The following NXPH1 variants were observed in gnomAD, a reference collection of about 807,000 sequenced individuals.
NXPH1 encodes the protein neurexophilin-1.
In NXPH1, 5 loss-of-function variants were observed where a neutral mutation model predicts 23.7. The observed-to-expected ratio is 0.21, with a 90% confidence interval of 0.11 to 0.44. The LOEUF (loss-of-function observed/expected upper bound fraction) is 0.44, where lower values mean the gene tolerates loss of function less well. Among genes scored for constraint, NXPH1 ranks in the 20% least tolerant of loss-of-function variants. The pLI is 0.99. For missense variants in NXPH1, 324 were observed against 321.6 expected (o/e 1.01, Z -0.06); for synonymous variants, 144 against 122.2 (o/e 1.18, Z -1.18).
chr7:8,449,530 T>G (rs571520644), intron 2 of NXPH1, among the ~76,000 whole-genome samples: 4 of 152,336 alleles, frequency 2.6e-5, no homozygotes, highest in African/African-American at 9.6e-5. Context: ...TTAATATCTT[T>G]ACTGTTAATA....
At chr7:8,568,224 T>G (rs1363437632) in intron 2 of NXPH1, among the ~76,000 whole-genome samples, 2 of 151,886 alleles carry the variant, frequency 1.3e-5, no homozygotes, top group Non-Finnish European at 2.9e-5. Flanking sequence ...GGAATTTTAT[T>G]TTCTCAAATG....
intron 2 of NXPH1, among the ~76,000 whole-genome samples, chr7:8,644,835 A>C (rs1010097854): frequency 6.6e-6 from 1 of 152,302 alleles, no homozygotes; most frequent in African/African-American, 2.4e-5. Context: ...AATTTTGTGC[A>C]CATCATTCCT....
intron 2 of NXPH1, among the ~76,000 whole-genome samples, chr7:8,697,695 A>G (rs572746183): frequency 1.3e-5 from 2 of 152,328 alleles, no homozygotes; most frequent in South Asian, 2.1e-4. Context: ...AGTATCTGTT[A>G]TGGAAAATGC....
chr7:8,439,201 G>C (rs1816249333), intron 2 of NXPH1, among the ~76,000 whole-genome samples: 1 of 152,144 alleles, frequency 6.6e-6, no homozygotes. Flanking sequence ...GATACAATGG[G>C]ATGGCAGGAT....
intron 2 of NXPH1, among the ~76,000 whole-genome samples, chr7:8,534,646 G>C (rs990143494): frequency 6.6e-6 from 1 of 152,038 alleles, no homozygotes; most frequent in African/African-American, 2.4e-5. Context: ...AGCTAAAAAA[G>C]AAATATCAAA....
chr7:8,692,559 C>T (rs1239513614), intron 2 of NXPH1, among the ~76,000 whole-genome samples: 2 of 152,174 alleles, frequency 1.3e-5, no homozygotes, highest in African/African-American at 4.8e-5. Context: ...TATATGTGCT[C>T]TAGCTATACT....
intron 2 of NXPH1, among the ~76,000 whole-genome samples, chr7:8,437,310 G>A (rs1816213588): frequency 6.7e-6 from 1 of 149,910 alleles, no homozygotes; most frequent in African/African-American, 2.5e-5. Context: ...AGAGACCATG[G>A]ATGGAGGGCA....
chr7:8,619,316 T>G (rs928949397), intron 2 of NXPH1, among the ~76,000 whole-genome samples: 1 of 152,208 alleles, frequency 6.6e-6, no homozygotes, highest in East Asian at 1.9e-4. Flanking sequence ...TCCAGTTAAC[T>G]TCTGCAGTCT....
chr7:8,679,821 G>T (rs1485298909), intron 2 of NXPH1, among the ~76,000 whole-genome samples: 1 of 152,236 alleles, frequency 6.6e-6, no homozygotes, highest in African/African-American at 2.4e-5. Flanking sequence ...AGGAGTTCGA[G>T]ACCAGCCTGA....
At chr7:8,576,481 G>A (rs556756256) in intron 2 of NXPH1, among the ~76,000 whole-genome samples, 8 of 152,246 alleles carry the variant, frequency 5.3e-5, no homozygotes, top group African/African-American at 1.7e-4. Flanking sequence ...CTTGAAGTAC[G>A]TTTGAATGAA....
chr7:8,718,175 G>C (rs1779908960), intron 2 of NXPH1, among the ~76,000 whole-genome samples: 1 of 152,092 alleles, frequency 6.6e-6, no homozygotes, highest in African/African-American at 2.4e-5. Context: ...CAGTGACAAA[G>C]AGATATTTCT....
rs181071401 is a variant in NXPH1, at chr7:8,468,305, A to G, written c.54+32538A>G. Among the ~76,000 whole-genome samples, 258 of 152,214 alleles carry G rather than the reference A, an allele frequency of 1.7e-3. 2 individuals are homozygous for G. The highest frequency in any genetic ancestry group is 5.8e-3 in the African/African-American group (242 of 41,574). ...CTTGGAGTTTTCCTAAAATGGTTAC[A>G]TAGGTGAGTTTAGACAGTTGAAGGG... On this transcript the variant is annotated intron_variant, in intron 2 of 2. Coordinates refer to ENST00000405863, the MANE Select transcript of NXPH1 (RefSeq NM_152745.3).
chr7:8,647,777 C>T (rs1231313350), intron 2 of NXPH1, among the ~76,000 whole-genome samples: 6 of 145,974 alleles, frequency 4.1e-5, no homozygotes, highest in Admixed American at 6.8e-5. Flanking sequence ...CTTAACCATT[C>T]GGTTTTTTTT....
chr7:8,607,368 C>T (rs540893073), intron 2 of NXPH1, among the ~76,000 whole-genome samples: 5 of 152,184 alleles, frequency 3.3e-5, no homozygotes, highest in South Asian at 2.1e-4. Flanking sequence ...TTTCTTGGAT[C>T]GTGTCACTCG....
intron 2 of NXPH1, among the ~76,000 whole-genome samples, chr7:8,743,193 A>T (rs1780395946): frequency 6.6e-6 from 1 of 151,762 alleles, no homozygotes; most frequent in Non-Finnish European, 1.5e-5. Flanking sequence ...TTTTTTTTTT[A>T]AACATTTTTG....
At chr7:8,688,903 T>C (rs1400104978) in intron 2 of NXPH1, among the ~76,000 whole-genome samples, 3 of 152,198 alleles carry the variant, frequency 2.0e-5, no homozygotes, top group Non-Finnish European at 4.4e-5. Context: ...TCTTGGATAC[T>C]GTATTGTTAC....
intron 2 of NXPH1, among the ~76,000 whole-genome samples, chr7:8,504,274 C>T (rs1163699340): frequency 6.6e-6 from 1 of 152,016 alleles, no homozygotes; most frequent in Non-Finnish European, 1.5e-5. Context: ...TATTAGATCA[C>T]AAATTCCTTG....
chr7:8,747,899 A>G (rs1481714157), intron 2 of NXPH1, among the ~76,000 whole-genome samples: 1 of 152,252 alleles, frequency 6.6e-6, no homozygotes, highest in Non-Finnish European at 1.5e-5. Flanking sequence ...CAGTACCTTC[A>G]GAAAATGAGT....
At chr7:8,466,650 TC>T (rs1816790853) in intron 2 of NXPH1, among the ~76,000 whole-genome samples, 1 of 152,168 alleles carries the variant, frequency 6.6e-6, no homozygotes, top group Non-Finnish European at 1.5e-5. Context: ...GTGGGGAAAA[TC>T]CTTTCATCTG....
Sources: gnomAD v4.1 joint callset for allele counts (sites outside exome capture counted in the v4.1 genomes callset) on GRCh38, gnomAD v4.1.1 for gene constraint, MANE v1.5 for transcripts, NCBI Gene and HGNC (gene_info 2026-07-23, HGNC 2026-07-21) for gene names.